The following IPO7 variants were observed in gnomAD, a reference collection of about 807,000 sequenced individuals.
IPO7 encodes importin-7.
IPO7 carries 13 observed loss-of-function variants against 136.4 expected under a neutral mutation model. The observed-to-expected ratio is 0.10, with a 90% CI of 0.06 to 0.15. IPO7 has a LOEUF of 0.15. IPO7 is among the 10% of genes least tolerant of loss of function. IPO7 has a pLI of 1.00. For synonymous variants in IPO7, 403 were observed against 404.4 expected (o/e 1.00, Z 0.04); for missense variants, 857 against 1,240.6 (o/e 0.69, Z 4.65).
chr11:9,418,774 G>A (rs886141318), intron 6 of IPO7, among the ~76,000 whole-genome samples: 1 of 152,084 alleles, frequency 6.6e-6, no homozygotes, highest in African/African-American at 2.4e-5. Flanking sequence ...TACCCATGTA[G>A]CCATCACCTC....
chr11:9,442,303 A>G (rs1855469533), intron 24 of IPO7, 106 bp downstream of exon 24: 3 of 547,988 alleles, frequency 5.5e-6, no homozygotes, highest in Non-Finnish European at 6.5e-6. Context: ...AAGATGATAT[A>G]AAAGGTATAG....
Position 9,384,813 on chromosome 11 carries a change from C to T in IPO7, c.50C>T (p.Ala17Val), listed in dbSNP as rs1313608449. ...IEALRGTMDP[A>V]LREAAERQLN... ...GCCCTGCGGGGCACTATGGACCCAG[C>T]CCTGCGTGAGGCCGCGGAGCGCCAG... The change falls in exon 1 of 25, where the codon GCC becomes GTC. Residue 17 changes from alanine to valine, a missense_variant. Transcript: ENST00000379719. 1 of 1,607,102 alleles carries T rather than the reference C, an allele frequency of 6.2e-7. No individual in the cohort carries two copies. The highest frequency in any genetic ancestry group is 1.1e-5 in the South Asian group (1 of 89,746).
intron 6 of IPO7, among the ~76,000 whole-genome samples, chr11:9,419,774 A>G (rs1361042836): frequency 6.6e-6 from 1 of 151,822 alleles, no homozygotes; most frequent in Non-Finnish European, 1.5e-5. Flanking sequence ...GCGCATTTAT[A>G]CTTATATATC....
intron 1 of IPO7, among the ~76,000 whole-genome samples, chr11:9,395,546 G>C (rs1006621248): frequency 6.6e-6 from 1 of 152,022 alleles, no homozygotes; most frequent in Non-Finnish European, 1.5e-5. Flanking sequence ...GCCCTCACTT[G>C]TTACCTTCTT....
intron 20 of IPO7, among the ~76,000 whole-genome samples, chr11:9,437,189 C>T (rs140125938): frequency 2.0e-3 from 305 of 151,442 alleles, no homozygotes; most frequent in African/African-American, 7.1e-3. Flanking sequence ...ACCCGGCCCA[C>T]GGTCAATTTT....
intron 5 of IPO7, among the ~76,000 whole-genome samples, chr11:9,415,365 A>G (rs1246344459): frequency 6.6e-6 from 1 of 152,048 alleles, no homozygotes; most frequent in Non-Finnish European, 1.5e-5. Context: ...CAGTTACTTG[A>G]TTACAGTTGA....
At chr11:9,393,636 G>A (rs1854667467) in intron 1 of IPO7, among the ~76,000 whole-genome samples, 1 of 152,062 alleles carries the variant, frequency 6.6e-6, no homozygotes, top group African/African-American at 2.4e-5. Context: ...ACCCTCCTCG[G>A]CCTCCCAAAG....
At chr11:9,433,470 A>G (rs749189372) in intron 16 of IPO7, 100 bp from the exon 17 acceptor site, 13 of 743,762 alleles carry the variant, frequency 1.7e-5, no homozygotes, top group Non-Finnish European at 2.7e-5. Context: ...TTTTCACAAT[A>G]TTGACTTTAT....
At position 9,414,205 on chromosome 11, in the gene IPO7, C is replaced by T. The variant is rs373831439; in HGVS notation, c.480-50C>T. 2.9e-4 allele frequency: 391 copies of T among 1,348,650 alleles called. 3 individuals are homozygous for T. Among genetic ancestry groups the T allele is most frequent in the Middle Eastern group, 1.3e-3 (5 of 3,836 alleles). 83.5% of individuals were successfully genotyped at this position (1,348,650 alleles called of 1,614,324 possible). A position where few individuals can be genotyped will look rare whatever the true frequency, so the allele number is the denominator to read the frequency against. On this transcript the variant is annotated intron_variant, in intron 4 of 24. Coordinates refer to ENST00000379719, the MANE Select transcript of IPO7 (RefSeq NM_006391.3). Reference sequence around the variant, plus strand: ...TAAATGCATAGTTTAAATATATATACAATTGTGGAAATAAATTCTTACAGA... The same window carrying T: ...TAAATGCATAGTTTAAATATATATATAATTGTGGAAATAAATTCTTACAGA...
At chr11:9,408,045 T>C (rs1165700482) in intron 2 of IPO7, among the ~76,000 whole-genome samples, 1 of 152,216 alleles carries the variant, frequency 6.6e-6, no homozygotes, top group Non-Finnish European at 1.5e-5. Context: ...AGAACCTTTA[T>C]ATGCTATTAT....
chr11:9,417,623 T>C (rs1231996464), intron 6 of IPO7, among the ~76,000 whole-genome samples: 1 of 152,100 alleles, frequency 6.6e-6, no homozygotes, highest in South Asian at 2.1e-4. Flanking sequence ...TGGTAGTTTT[T>C]AGTACATTCA....
At chr11:9,389,031 TTTA>T (rs1854591291) in intron 1 of IPO7, among the ~76,000 whole-genome samples, 1 of 151,868 alleles carries the variant, frequency 6.6e-6, no homozygotes, top group Non-Finnish European at 1.5e-5. Flanking sequence ...AGCTCTTTTA[TTTA>T]TTTTTTAAAA....
At position 9,384,759 on chromosome 11, in the gene IPO7, C is replaced by T. The variant is rs768061133; in HGVS notation, c.-5C>T. 8.9e-5 allele frequency: 142 copies of T among 1,598,132 alleles called. 1 individual carries two copies. The highest frequency in any genetic ancestry group is 5.5e-4 in the East Asian group (24 of 43,916). On this transcript the variant is annotated 5_prime_UTR_variant, in exon 1 of 25. Transcript: ENST00000379719. ...AGCCCCGGGTTTGACCGAGTCCGCG[C>T]TGCGATGGACCCCAACACCATTATC...
chr11:9,417,858 G>A (rs933477730), intron 6 of IPO7, among the ~76,000 whole-genome samples: 1 of 151,026 alleles, frequency 6.6e-6, no homozygotes, highest in African/African-American at 2.4e-5. Flanking sequence ...GACTACAGAC[G>A]TGTGCTACCA....
chr11:9,420,372 T>A, intron 6 of IPO7, 39 bp from the exon 7 acceptor site: 1 of 1,286,090 alleles, frequency 7.8e-7, no homozygotes, highest in South Asian at 1.2e-5. Flanking sequence ...TCCTCCTATA[T>A]TGTATTATCT....
In IPO7 at chr11:9,396,254, C is replaced by T. The variant is rs528427401; in HGVS notation, c.85-7036C>T. ...ACTAAAAATACAAAAATTAGCTGGGCGTAGCAGCACATGCCCCTGTAATCC... is the reference window on the plus strand; with the variant it reads ...ACTAAAAATACAAAAATTAGCTGGGTGTAGCAGCACATGCCCCTGTAATCC... On this transcript the variant is annotated intron_variant, in intron 1 of 24. Transcript: ENST00000379719. Among the ~76,000 whole-genome samples the T allele has an allele frequency of 3.3e-5, 5 of 151,876 alleles. No individual in the cohort carries two copies. In the East Asian group the frequency reaches 5.9e-4, roughly 18 times the overall value.
At position 9,397,531 on chromosome 11, in the gene IPO7, G is replaced by A. The variant is rs566489313; in HGVS notation, c.85-5759G>A. ...CGGGTGTGAGCCACTGTGCTGGGCAGTTTTTGTTGTTCCAACATGGCTTCC... is the reference window on the plus strand; with the variant it reads ...CGGGTGTGAGCCACTGTGCTGGGCAATTTTTGTTGTTCCAACATGGCTTCC... On this transcript the variant is annotated intron_variant, in intron 1 of 24. Coordinates refer to ENST00000379719, the MANE Select transcript of IPO7 (RefSeq NM_006391.3). 8.2e-4 allele frequency among the ~76,000 whole-genome samples: 124 copies of A among 150,554 alleles called. 1 individual carries two copies. Among genetic ancestry groups the A allele is most frequent in the African/African-American group, 2.9e-3 (119 of 41,020 alleles).
chr11:9,417,256 G>T (rs1855054158), intron 6 of IPO7, 108 bp downstream of exon 6: 3 of 511,508 alleles, frequency 5.9e-6, no homozygotes, highest in Admixed American at 3.5e-5. Context: ...TTTATAATAT[G>T]GTGATGTATT....
At chr11:9,385,384 G>C (rs1854538098) in intron 1 of IPO7, among the ~76,000 whole-genome samples, 1 of 152,190 alleles carries the variant, frequency 6.6e-6, no homozygotes, top group Non-Finnish European at 1.5e-5. Flanking sequence ...AGTTGCTAGG[G>C]AAGGCTTTCA....
Sources: gnomAD v4.1 joint callset for allele counts (sites outside exome capture counted in the v4.1 genomes callset) on GRCh38, gnomAD v4.1.1 for gene constraint, MANE v1.5 for transcripts, NCBI Gene and HGNC (gene_info 2026-07-23, HGNC 2026-07-21) for gene names.